The following AKR1C8 variants were observed in gnomAD, a reference collection of about 807,000 sequenced individuals.
The protein encoded by AKR1C8 is aldo-keto reductase family 1 member C-like protein 1.
chr10:5,136,447 C>T, the AKR1C8 span, among the ~76,000 whole-genome samples: 1 of 52,832 alleles, frequency 1.9e-5, no homozygotes, highest in East Asian at 6.5e-4. Flanking sequence ...ACTCAAGAGG[C>T]TGAGGCAGGA....
chr10:5,178,956 T>C, the AKR1C8 span, among the ~76,000 whole-genome samples: 5 of 152,242 alleles, frequency 3.3e-5, no homozygotes, highest in Non-Finnish European at 7.3e-5. Flanking sequence ...TGTCTTTTAA[T>C]TGGAGCATTT....
chr10:5,131,569 C>T, the AKR1C8 span, among the ~76,000 whole-genome samples: 1 of 151,610 alleles, frequency 6.6e-6, no homozygotes, highest in Admixed American at 6.6e-5. Flanking sequence ...AGCCAACAAA[C>T]ATATGAAAAA....
the AKR1C8 span, among the ~76,000 whole-genome samples, chr10:5,134,503 T>A: frequency 6.6e-6 from 1 of 152,214 alleles, no homozygotes. Flanking sequence ...TTGATACAAA[T>A]CTGATGCATA....
chr10:5,148,948 A>T, the AKR1C8 span, among the ~76,000 whole-genome samples: 1 of 152,086 alleles, frequency 6.6e-6, no homozygotes, highest in African/African-American at 2.4e-5. Flanking sequence ...GAAAGAAAAA[A>T]TAGAAAAAAA....
chr10:5,149,981 A>C, the AKR1C8 span, among the ~76,000 whole-genome samples: 5 of 152,160 alleles, frequency 3.3e-5, no homozygotes, highest in Admixed American at 2.6e-4. Context: ...ACTTTGAAAA[A>C]CAAAACAGAA....
the AKR1C8 span, among the ~76,000 whole-genome samples, chr10:5,119,870 G>A: frequency 1.1e-4 from 17 of 152,246 alleles, no homozygotes; most frequent in South Asian, 1.0e-3. Context: ...GTGTTTTTCC[G>A]AAGGTACAGT....
chr10:5,158,522 T>G, the AKR1C8 span: 2 of 409,964 alleles, frequency 4.9e-6, no homozygotes, highest in South Asian at 3.7e-5. Context: ...ATACAATTTT[T>G]AAAACTTCGC....
chr10:5,157,835 T>C, the AKR1C8 span: 1 of 452,258 alleles, frequency 2.2e-6, no homozygotes, highest in Non-Finnish European at 4.6e-6. Flanking sequence ...ATGTGAAGGA[T>C]GCAGGATGGA....
chr10:5,180,444 A>G, the AKR1C8 span, among the ~76,000 whole-genome samples: 1 of 152,212 alleles, frequency 6.6e-6, no homozygotes, highest in South Asian at 2.1e-4. Flanking sequence ...CCACTTGAGG[A>G]GACAGTCTGC....
chr10:5,144,146 CTTGT>C, the AKR1C8 span, among the ~76,000 whole-genome samples: 1 of 152,080 alleles, frequency 6.6e-6, no homozygotes, highest in Non-Finnish European at 1.5e-5. Flanking sequence ...TTCCCCATTG[CTTGT>C]TTTTCTCAGG....
the AKR1C8 span, among the ~76,000 whole-genome samples, chr10:5,183,616 C>T: frequency 3.9e-5 from 6 of 151,956 alleles, no homozygotes; most frequent in Admixed American, 1.3e-4. Flanking sequence ...CACCACCATC[C>T]GACAAAAAAA....
chr10:5,139,112 C>G, the AKR1C8 span, among the ~76,000 whole-genome samples: 1 of 152,062 alleles, frequency 6.6e-6, no homozygotes, highest in African/African-American at 2.4e-5. Context: ...TGTGAAGGAC[C>G]TTTTCAAGGA....
chr10:5,138,757 G>A, the AKR1C8 span, among the ~76,000 whole-genome samples: 1 of 151,450 alleles, frequency 6.6e-6, no homozygotes, highest in Admixed American at 6.6e-5. Context: ...TCCCACAATA[G>A]CACAAGACAG....
the AKR1C8 span, among the ~76,000 whole-genome samples, chr10:5,152,903 C>T: frequency 1.3e-5 from 2 of 151,850 alleles, no homozygotes. Flanking sequence ...GGACAGTAAA[C>T]ATGTCTTCAT....
the AKR1C8 span, among the ~76,000 whole-genome samples, chr10:5,134,271 T>C: frequency 2.6e-5 from 4 of 152,166 alleles, no homozygotes; most frequent in Non-Finnish European, 2.9e-5. Flanking sequence ...CCAATTTTCA[T>C]TACAAAGTAA....
chr10:5,143,752 T>C, the AKR1C8 span, among the ~76,000 whole-genome samples: 1 of 148,476 alleles, frequency 6.7e-6, no homozygotes, highest in Admixed American at 6.7e-5. Context: ...TTTATATCTA[T>C]ATATATTTTA....
chr10:5,161,141 T>A, the AKR1C8 span, among the ~76,000 whole-genome samples: 91 of 152,282 alleles, frequency 6.0e-4, 1 homozygote, highest in African/African-American at 2.1e-3. Context: ...TGCAAAGACA[T>A]GAGTGGAAAG....
the AKR1C8 span, among the ~76,000 whole-genome samples, chr10:5,129,013 T>C: frequency 1.3e-5 from 2 of 152,096 alleles, no homozygotes; most frequent in Middle Eastern, 3.2e-3. Flanking sequence ...TTCTCCAAGA[T>C]AGACGATATG....
the AKR1C8 span, among the ~76,000 whole-genome samples, chr10:5,180,305 G>T: frequency 7.2e-5 from 11 of 152,274 alleles, no homozygotes; most frequent in Middle Eastern, 3.4e-3. Context: ...CATGAACTGC[G>T]AATGCTGCTG....
Sources: allele counts gnomAD v4.1 joint callset (sites outside exome capture counted in the v4.1 genomes callset), GRCh38; gene constraint gnomAD v4.1.1; transcripts MANE v1.5; gene names NCBI Gene and HGNC (gene_info 2026-07-23, HGNC 2026-07-21).